Variants in DIPK2B observed in about 807,000 individuals in gnomAD.
The protein encoded by DIPK2B is UPF0672 protein CXorf36.
DIPK2B carries 15 observed loss-of-function variants against 22.2 expected under a neutral mutation model. The ratio of observed to expected loss-of-function variants is 0.68; its 90% CI spans 0.45 to 1.04. DIPK2B has a LOEUF of 1.04. DIPK2B is among the 50% of genes least tolerant of loss of function. DIPK2B has a pLI of 0.00. For synonymous variants in DIPK2B, 163 were observed against 153.2 expected (o/e 1.06, Z -0.47); for missense variants, 345 against 348.3 (o/e 0.99, Z 0.08).
intron 2 of DIPK2B, among the ~76,000 whole-genome samples, chrX:45,170,789 C>T (rs368617719): frequency 1.8e-5 from 2 of 112,549 alleles, no homozygotes; most frequent in South Asian, 3.7e-4. Flanking sequence ...ATAGTACAAC[C>T]TTTGAAATGA....
chrX:45,160,171 C>T (rs1004672160), intron 2 of DIPK2B, among the ~76,000 whole-genome samples: 2 of 109,930 alleles, frequency 1.8e-5, no homozygotes, highest in Non-Finnish European at 3.8e-5. Flanking sequence ...GCCAATTAAA[C>T]CTCTTTTCTT....
intron 3 of DIPK2B, 115 bp from the exon 4 acceptor site, chrX:45,154,313 ATC>A (rs2046979823): frequency 4.9e-6 from 3 of 606,854 alleles, no homozygotes; most frequent in Non-Finnish European, 4.7e-6. Context: ...CTATCTATCT[ATC>A]TATCTGTCTA....
chrX:45,179,123 G>A (rs1040546029), intron 2 of DIPK2B, among the ~76,000 whole-genome samples: 1 of 111,057 alleles, frequency 9.0e-6, no homozygotes, highest in African/African-American at 3.3e-5. Context: ...ACAACTGGGG[G>A]GTTGTGGGTA....
intron 2 of DIPK2B, among the ~76,000 whole-genome samples, chrX:45,187,489 C>G (rs2047190198): frequency 9.0e-6 from 1 of 111,167 alleles, no homozygotes; most frequent in African/African-American, 3.3e-5. Flanking sequence ...CACACACACA[C>G]ACACACACAC....
chrX:45,157,601 C>G (rs766205980), intron 3 of DIPK2B, 114 bp downstream of exon 3: 10 of 787,088 alleles, frequency 1.3e-5, no homozygotes, highest in Non-Finnish European at 1.8e-5. Flanking sequence ...GGTCCTAACA[C>G]GGGCTAGTGG....
At chrX:45,192,299 C>T (rs2047216500) in intron 1 of DIPK2B, among the ~76,000 whole-genome samples, 1 of 111,924 alleles carries the variant, frequency 8.9e-6, no homozygotes, top group Admixed American at 9.4e-5. Flanking sequence ...CTTTTACTCC[C>T]TGTAAAGATA....
intron 2 of DIPK2B, among the ~76,000 whole-genome samples, chrX:45,170,676 T>C (rs192673482): frequency 8.9e-6 from 1 of 112,120 alleles, no homozygotes; most frequent in East Asian, 2.8e-4. Flanking sequence ...AAACCCCAAC[T>C]CTGGACTGTG....
In DIPK2B at chrX:45,151,422, G is replaced by A. The variant is rs1043352961; in HGVS notation, c.*230C>T. On this transcript the variant is annotated 3_prime_UTR_variant, in exon 5 of 5. Coordinates refer to ENST00000398000, the MANE Select transcript of DIPK2B (RefSeq NM_176819.4). ...AAACTGAGGCTCAAAGACATTGAGT[G>A]AGCGTCCACACCCAGGTCTTCTGAT... is the stretch of plus-strand genomic sequence containing the variant. 3 of 424,778 alleles carry A rather than the reference G, an allele frequency of 7.1e-6. No individual in the cohort carries two copies. Among genetic ancestry groups the A allele is most frequent in the Non-Finnish European group, 1.2e-5 (3 of 244,631 alleles). 35.0% of individuals were successfully genotyped at this position (424,778 alleles called of 1,213,427 possible).
At chrX:45,174,230 C>T (rs1393936366) in intron 2 of DIPK2B, among the ~76,000 whole-genome samples, 1 of 111,543 alleles carries the variant, frequency 9.0e-6, no homozygotes, top group Non-Finnish European at 1.9e-5. Flanking sequence ...TGTAACCATG[C>T]GTGTGTGTTA....
chrX:45,173,499 CTTTCTTTCTTTCTT>C (rs1430618905), intron 2 of DIPK2B, among the ~76,000 whole-genome samples: 4 of 75,504 alleles, frequency 5.3e-5, no homozygotes, highest in African/African-American at 7.3e-5. Context: ...TTCTTTCCTT[CTTTCTTTCTTTCTT>C]TTTCTTTCTT....
Position 45,151,528 on chromosome X carries a change from A to T in DIPK2B, c.*124T>A. ...CTCACAACTCCCCTCTCAGTCCCTA[A>T]GAAATGAGTGTGCCTTTCTTCTCAT... On this transcript the variant is annotated 3_prime_UTR_variant, in exon 5 of 5. Transcript: ENST00000398000. The T allele has an allele frequency of 1.4e-6, 1 of 704,416 alleles. No individual in the cohort carries two copies. Among genetic ancestry groups the T allele is most frequent in the Non-Finnish European group, 2.1e-6 (1 of 478,520 alleles). The allele number at this position is 704,416 out of a possible 1,213,427, so 58.1% of individuals were successfully genotyped here.
chrX:45,161,497 G>A (rs192995348), intron 2 of DIPK2B, among the ~76,000 whole-genome samples: 42 of 112,607 alleles, frequency 3.7e-4, no homozygotes, highest in Admixed American at 2.3e-3. Context: ...AGCCATGATC[G>A]TGATACTGTA....
At chrX:45,163,704 C>A (rs2047033643) in intron 2 of DIPK2B, 1 of 753,834 alleles carries the variant, frequency 1.3e-6, no homozygotes, top group Non-Finnish European at 1.6e-6. Flanking sequence ...TTTTTTCCCT[C>A]TAGAAGCCAG....
chrX:45,171,890 A>G (rs946456845), intron 2 of DIPK2B, among the ~76,000 whole-genome samples: 2 of 112,144 alleles, frequency 1.8e-5, no homozygotes, highest in African/African-American at 6.5e-5. Flanking sequence ...TACCTAAGAG[A>G]TCTTTAATAA....
chrX:45,171,710 A>T, intron 2 of DIPK2B, among the ~76,000 whole-genome samples: 1 of 112,455 alleles, frequency 8.9e-6, no homozygotes, highest in Non-Finnish European at 1.9e-5. Context: ...CCCTCCAGGC[A>T]GCTTTCCTGG....
At chrX:45,153,477 T>A (rs1274518252) in intron 4 of DIPK2B, among the ~76,000 whole-genome samples, 2 of 73,380 alleles carry the variant, frequency 2.7e-5, no homozygotes, top group African/African-American at 2.0e-4. Context: ...AAAAGTTTTG[T>A]GTGTGTGTGT....
intron 2 of DIPK2B, among the ~76,000 whole-genome samples, chrX:45,172,185 T>A (rs1461666514): frequency 8.9e-6 from 1 of 112,251 alleles, no homozygotes; most frequent in Non-Finnish European, 1.9e-5. Flanking sequence ...TGGATGGATG[T>A]ACTTCTGGCA....
In DIPK2B at chrX:45,151,477, A is replaced by G; in HGVS notation, c.*175T>C. On this transcript the variant is annotated 3_prime_UTR_variant, in exon 5 of 5. Transcript: ENST00000398000. ...ACCGCGGGCTTTGCCAGGACGTCCCAGCCAGCAGAGACAGCCACGTGGTAT... is the reference window on the plus strand; with the variant it reads ...ACCGCGGGCTTTGCCAGGACGTCCCGGCCAGCAGAGACAGCCACGTGGTAT... 4 of 500,630 alleles carry G rather than the reference A, an allele frequency of 8.0e-6. No individual in the cohort carries two copies. Among genetic ancestry groups the G allele is most frequent in the Non-Finnish European group, 9.8e-6 (3 of 307,282 alleles). The allele number at this position is 500,630 out of a possible 1,213,427, so 41.3% of individuals were successfully genotyped here.
chrX:45,157,947 G>C, intron 2 of DIPK2B, 59 bp from the exon 3 acceptor site: 1 of 926,199 alleles, frequency 1.1e-6, no homozygotes, highest in Non-Finnish European at 1.4e-6. Context: ...AGCTCTTGTG[G>C]GGGGTTAGCA....
Sources: gnomAD v4.1 joint callset for allele counts (sites outside exome capture counted in the v4.1 genomes callset) on GRCh38, gnomAD v4.1.1 for gene constraint, MANE v1.5 for transcripts, NCBI Gene and HGNC (gene_info 2026-07-23, HGNC 2026-07-21) for gene names.